Variants in TANC1 observed in about 807,000 individuals in gnomAD.
TANC1 encodes the protein protein TANC1.
TANC1 carries 77 observed loss-of-function variants against 149.7 expected under a neutral mutation model. The ratio of observed to expected loss-of-function variants is 0.51; its 90% CI spans 0.43 to 0.62. The LOEUF is 0.62. TANC1 is among the 20% of genes least tolerant of loss of function. The probability of loss-of-function intolerance (pLI) is 0.00; values close to 1 mark genes in which losing one functional copy is unlikely to be tolerated. For synonymous variants in TANC1, 854 were observed against 925.0 expected, an observed-to-expected ratio of 0.92 and a Z score of 1.39; for missense variants, 1,985 against 2,321.8, an observed-to-expected ratio of 0.85 and a Z score of 2.98.
chr2:159,155,332 C>G (rs898164035), intron 7 of TANC1, among the ~76,000 whole-genome samples: 5 of 152,192 alleles, frequency 3.3e-5, no homozygotes, highest in African/African-American at 9.7e-5. Flanking sequence ...AGGGGAAGGA[C>G]TTATTCTGGC....
intron 2 of TANC1, among the ~76,000 whole-genome samples, chr2:159,042,335 A>G (rs1054972231): frequency 1.3e-5 from 2 of 152,238 alleles, no homozygotes; most frequent in East Asian, 3.9e-4. Context: ...CTTGGGCAGG[A>G]GCCTAGTTGG....
At chr2:159,131,231 T>TA (rs893844548) in intron 4 of TANC1, among the ~76,000 whole-genome samples, 23 of 151,982 alleles carry the variant, frequency 1.5e-4, no homozygotes, top group East Asian at 9.7e-4. Flanking sequence ...GTTACAAGTT[T>TA]AAAAAAAACA....
At chr2:159,041,603 A>G (rs1033421081) in intron 2 of TANC1, among the ~76,000 whole-genome samples, 3 of 152,230 alleles carry the variant, frequency 2.0e-5, no homozygotes. Flanking sequence ...GGTGCAGGAT[A>G]TAATCTCCTG....
intron 19 of TANC1, among the ~76,000 whole-genome samples, chr2:159,206,573 T>C (rs374056178): frequency 1.3e-5 from 2 of 152,260 alleles, no homozygotes; most frequent in African/African-American, 4.8e-5. Flanking sequence ...ACAGAGTCCA[T>C]TTTTCTAGTG....
chr2:159,057,551 T>C (rs1316946486), intron 2 of TANC1, among the ~76,000 whole-genome samples: 1 of 152,236 alleles, frequency 6.6e-6, no homozygotes, highest in Non-Finnish European at 1.5e-5. Context: ...AGTTTCTCCA[T>C]TGCTCATAGC....
chr2:158,977,905 C>G (rs1425137958), intron 1 of TANC1, among the ~76,000 whole-genome samples: 5 of 152,102 alleles, frequency 3.3e-5, no homozygotes, highest in Non-Finnish European at 7.4e-5. Context: ...CTTCCCTCAC[C>G]CTACCACCAC....
At position 159,179,152 on chromosome 2, in the gene TANC1, G is replaced by C; in HGVS notation, c.2499G>C (p.Leu833=). The change falls in exon 14 of 27, where the codon CTG becomes CTC. Residue 833 remains leucine, a synonymous_variant. Transcript: ENST00000263635. ...CAGACGGGGAAAACACGGCCTTCCT[G>C]TGTGAGCCCAGGTACGGCAGGCGCT... ...WRADGENTAF[L]CEPRNGHALL... is the part of the protein sequence containing the mutation. 2 of 1,610,594 alleles carry C rather than the reference G, an allele frequency of 1.2e-6. No individual in the cohort carries two copies. The highest frequency in any genetic ancestry group is 1.7e-6 in the Non-Finnish European group (2 of 1,177,956).
chr2:159,210,043 C>T (rs1237744509), intron 19 of TANC1, among the ~76,000 whole-genome samples: 1 of 152,012 alleles, frequency 6.6e-6, no homozygotes, highest in Non-Finnish European at 1.5e-5. Context: ...CAAGCAGAGC[C>T]CAGCCGCCCT....
intron 2 of TANC1, among the ~76,000 whole-genome samples, chr2:159,024,250 A>G (rs1349442116): frequency 1.3e-5 from 2 of 152,208 alleles, no homozygotes; most frequent in Admixed American, 6.5e-5. Context: ...CCTATTGCCT[A>G]GTGACATGGT....
chr2:159,108,369 T>C (rs1055721762), intron 4 of TANC1, among the ~76,000 whole-genome samples: 1 of 152,206 alleles, frequency 6.6e-6, no homozygotes, highest in African/African-American at 2.4e-5. Flanking sequence ...CTGCAGTTAA[T>C]GATGACTGGG....
chr2:158,996,064 T>C (rs2036104554), intron 1 of TANC1, among the ~76,000 whole-genome samples: 1 of 152,234 alleles, frequency 6.6e-6, no homozygotes, highest in African/African-American at 2.4e-5. Context: ...TAAAAATAAC[T>C]TGATGGCTGG....
chr2:159,193,504 C>A (rs976945658), intron 16 of TANC1, among the ~76,000 whole-genome samples: 1 of 152,036 alleles, frequency 6.6e-6, no homozygotes, highest in Admixed American at 6.6e-5. Flanking sequence ...GATCACATGG[C>A]CGTTCTATTG....
chr2:159,085,347 C>T (rs1204594829), intron 3 of TANC1, among the ~76,000 whole-genome samples: 1 of 152,134 alleles, frequency 6.6e-6, no homozygotes, highest in African/African-American at 2.4e-5. Flanking sequence ...TATTAATTGC[C>T]TAGTCTCAGG....
At position 159,175,148 on chromosome 2, in the gene TANC1, A is replaced by G; in HGVS notation, c.1699A>G (p.Arg567Gly). ...GCAGGACCCGGTGGCAGCTTTCAAG[A>G]GGGGAGTGCTGGAGCCACTCACAAA... ...CVQDPVAAFK[R>G]GVLEPLTNLR... Residue 567 changes from arginine (R) to glycine (G), a missense_variant, in exon 12 of 27, where the codon AGG (arginine) becomes GGG (glycine). Physicochemically the swap from Arg to Gly is moderately radical, Grantham distance 125. This residue lies in a region of TANC1 where 508 missense variants were observed against 714.2 expected (regional missense o/e 0.71). Transcript: ENST00000263635. 6.2e-7 allele frequency: 1 copy of G among 1,614,050 alleles called. No homozygotes were observed. The highest frequency in any genetic ancestry group is 8.5e-7 in the Non-Finnish European group (1 of 1,179,996).
At chr2:159,195,563 A>G (rs565745451) in intron 17 of TANC1, among the ~76,000 whole-genome samples, 2 of 152,368 alleles carry the variant, frequency 1.3e-5, no homozygotes, top group East Asian at 3.9e-4. Context: ...TCTTTTAATT[A>G]GGATATTTAA....
chr2:159,204,976 G>A (rs116402422), intron 19 of TANC1, among the ~76,000 whole-genome samples: 1,773 of 152,306 alleles, frequency 0.012, 41 homozygotes, highest in African/African-American at 0.041. Context: ...ACTAATTCTG[G>A]ATGGAATTTT....
chr2:159,068,395 A>G (rs750673552), intron 3 of TANC1, among the ~76,000 whole-genome samples: 2 of 152,232 alleles, frequency 1.3e-5, no homozygotes, highest in Non-Finnish European at 2.9e-5. Flanking sequence ...ATTCATTCCC[A>G]TGTACTTGAA....
rs533624338 is a variant in TANC1, at chr2:159,194,158, T to C, written c.2743-99T>C. The stretch of plus-strand genomic sequence containing the variant: ...GTGCACATTCAAGTTTGAGAACCAC[T>C]GGATTAAAATGATACCGAAAATTGA... On this transcript the variant is annotated intron_variant, in intron 16 of 26. Transcript: ENST00000263635. 9 of 903,496 alleles carry C rather than the reference T, an allele frequency of 1.0e-5. No individual in the cohort carries two copies. In the African/African-American group the frequency reaches 1.4e-4, roughly 14 times the overall value. The allele number at this position is 903,496 out of a possible 1,614,324, so 56.0% of individuals were successfully genotyped here.
At position 159,170,515 on chromosome 2, in the gene TANC1, C is replaced by A; in HGVS notation, c.1070-9C>A. ...CATTTTTCTAAAATTTTTTTTTCTT[C>A]TTTTGAAGCACGATTTGCTCCCTAC... On this transcript the variant is annotated splice_polypyrimidine_tract_variant and intron_variant, in intron 9 of 26. Transcript: ENST00000263635. 1 of 1,551,032 alleles carries A rather than the reference C, an allele frequency of 6.4e-7. No individual in the cohort carries two copies. The highest frequency in any genetic ancestry group is 8.7e-7 in the Non-Finnish European group (1 of 1,150,930).
Sources: gnomAD v4.1 joint callset for allele counts (sites outside exome capture counted in the v4.1 genomes callset) on GRCh38, gnomAD v4.1.1 for gene constraint, gnomAD v4.1.1 regional missense constraint, MANE v1.5 for transcripts, NCBI Gene and HGNC (gene_info 2026-07-23, HGNC 2026-07-21) for gene names.